The following ANO3 variants were observed in gnomAD, a reference collection of about 807,000 sequenced individuals.
The protein encoded by ANO3 is anoctamin 3, also known as anoctamin-3.
A neutral mutation model predicts 144.8 loss-of-function variants in ANO3; 99 were observed. The ratio of observed to expected loss-of-function variants is 0.68; its 90% CI spans 0.58 to 0.81. ANO3 has a LOEUF of 0.81. Ranked by LOEUF, ANO3 falls within the 30% of genes least tolerant of loss-of-function variation. ANO3 has a pLI of 0.00. For missense variants in ANO3, 905 were observed against 1,202.2 expected (o/e 0.75, Z 3.66); for synonymous variants, 414 against 392.6 (o/e 1.05, Z -0.64).
intron 1 of ANO3, among the ~76,000 whole-genome samples, chr11:26,194,221 C>T (rs975759260): frequency 3.3e-5 from 5 of 152,020 alleles, no homozygotes; most frequent in Admixed American, 3.3e-4. Context: ...TTGCAAAATC[C>T]TATGTAGTAC....
At chr11:26,206,112 G>A (rs1405963607) in intron 1 of ANO3, among the ~76,000 whole-genome samples, 1 of 152,074 alleles carries the variant, frequency 6.6e-6, no homozygotes, top group East Asian at 1.9e-4. Flanking sequence ...GATTTTATTA[G>A]TGATTTGGAA....
At chr11:26,404,933 ATGTGTGTGTGTGTGTGTGTGTGTGTG>A (rs56103536) in intron 1 of ANO3, among the ~76,000 whole-genome samples, 1 of 146,174 alleles carries the variant, frequency 6.8e-6, no homozygotes, top group Admixed American at 6.8e-5. Flanking sequence ...ATTTATATAT[ATGTGTGTGTGTGTGTGTGTGTGTGTG>A]TGTGTGTGTG....
chr11:26,571,481 T>C (rs1328387382), intron 14 of ANO3, among the ~76,000 whole-genome samples: 1 of 152,140 alleles, frequency 6.6e-6, no homozygotes, highest in Non-Finnish European at 1.5e-5. Flanking sequence ...TAAATAATTA[T>C]ATGTACTGTA....
At chr11:26,630,694 C>T (rs930381071) in intron 18 of ANO3, among the ~76,000 whole-genome samples, 18 of 152,086 alleles carry the variant, frequency 1.2e-4, no homozygotes, top group Non-Finnish European at 4.4e-5. Flanking sequence ...TAGGCTTAGT[C>T]GAGATATAGT....
At chr11:26,238,005 G>A (rs1852573288) in intron 1 of ANO3, among the ~76,000 whole-genome samples, 1 of 152,074 alleles carries the variant, frequency 6.6e-6, no homozygotes, top group African/African-American at 2.4e-5. Context: ...TACACAGACT[G>A]TTAGACAAAC....
chr11:26,494,962 G>T (rs954827178), intron 4 of ANO3, among the ~76,000 whole-genome samples: 1 of 152,090 alleles, frequency 6.6e-6, no homozygotes, highest in Admixed American at 6.6e-5. Flanking sequence ...AACACTACCA[G>T]AAATTAAGCC....
At chr11:26,325,758 G>A (rs76127536) in intron 1 of ANO3, among the ~76,000 whole-genome samples, 3,031 of 152,172 alleles carry the variant, frequency 0.02, 93 homozygotes, top group African/African-American at 0.066. Context: ...TTCCTTTAGA[G>A]GGGAAAAAGG....
At chr11:26,481,443 A>G (rs776821880) in intron 4 of ANO3, among the ~76,000 whole-genome samples, 2 of 152,216 alleles carry the variant, frequency 1.3e-5, no homozygotes, top group South Asian at 2.1e-4. Flanking sequence ...TACATTCACT[A>G]ATTTCCACAG....
chr11:26,542,451 G>C (rs941074623), intron 11 of ANO3, among the ~76,000 whole-genome samples: 1 of 152,052 alleles, frequency 6.6e-6, no homozygotes, highest in African/African-American at 2.4e-5. Flanking sequence ...GAGGGAAAAT[G>C]GTCCTGGCTT....
At chr11:26,451,015 A>G (rs941771384) in intron 3 of ANO3, among the ~76,000 whole-genome samples, 8 of 152,212 alleles carry the variant, frequency 5.3e-5, no homozygotes, top group African/African-American at 1.9e-4. Context: ...AACAAAATTT[A>G]TAAGACAGTG....
At chr11:26,360,949 A>C (rs907397714) in intron 1 of ANO3, among the ~76,000 whole-genome samples, 5 of 152,084 alleles carry the variant, frequency 3.3e-5, no homozygotes, top group Middle Eastern at 3.2e-3. Flanking sequence ...GAGCATTTTG[A>C]ATTGGTTCTA....
chr11:26,312,531 A>G (rs976602140), intron 1 of ANO3, among the ~76,000 whole-genome samples: 4 of 152,120 alleles, frequency 2.6e-5, no homozygotes, highest in African/African-American at 7.2e-5. Flanking sequence ...TTTAATGATC[A>G]CCATTCTAAC....
chr11:26,383,803 A>G (rs897759553), intron 1 of ANO3, among the ~76,000 whole-genome samples: 1 of 152,066 alleles, frequency 6.6e-6, no homozygotes, highest in Non-Finnish European at 1.5e-5. Context: ...AATTAGAAGT[A>G]ATAAAAAATA....
At chr11:26,445,935 G>T (rs11029561) in intron 3 of ANO3, among the ~76,000 whole-genome samples, 2 of 151,904 alleles carry the variant, frequency 1.3e-5, no homozygotes, top group African/African-American at 4.8e-5. Context: ...AGGTTCAAGC[G>T]ATTCTCCTGC....
At chr11:26,565,803 G>A (rs293979) in intron 14 of ANO3, 24 of 1,611,394 alleles carry the variant, frequency 1.5e-5, no homozygotes, top group Middle Eastern at 1.7e-4. Flanking sequence ...ATGGCTCCCC[G>A]ATAGAAGTGA....
At chr11:26,379,984 C>A (rs117597272) in intron 1 of ANO3, among the ~76,000 whole-genome samples, 1,917 of 152,218 alleles carry the variant, frequency 0.013, 25 homozygotes, top group Middle Eastern at 0.051. Flanking sequence ...GTTTATGTCC[C>A]AATCCATGTA....
At chr11:26,279,070 T>C (rs1457183398) in intron 1 of ANO3, among the ~76,000 whole-genome samples, 1 of 152,096 alleles carries the variant, frequency 6.6e-6, no homozygotes, top group Non-Finnish European at 1.5e-5. Flanking sequence ...ATAGATTGAA[T>C]GTGAGGAGAC....
At chr11:26,466,737 A>G (rs1031890870) in intron 4 of ANO3, among the ~76,000 whole-genome samples, 1 of 151,990 alleles carries the variant, frequency 6.6e-6, no homozygotes, top group African/African-American at 2.4e-5. Flanking sequence ...CAGCCTGTGC[A>G]CAGAATCATG....
chr11:26,443,905 A>G, intron 3 of ANO3, 69 bp downstream of exon 3: 1 of 1,079,034 alleles, frequency 9.3e-7, no homozygotes, highest in East Asian at 2.4e-5. Context: ...TCTTCTAAAA[A>G]AAACTAGCAT....
Sources: gnomAD v4.1 joint callset for allele counts (sites outside exome capture counted in the v4.1 genomes callset) on GRCh38, gnomAD v4.1.1 for gene constraint, MANE v1.5 for transcripts, NCBI Gene and HGNC (gene_info 2026-07-23, HGNC 2026-07-21) for gene names.